Variants in CA8 observed in about 807,000 individuals in gnomAD.
CA8 encodes carbonic anhydrase 8 (inactive).
In CA8, 22 loss-of-function variants were observed where a neutral mutation model predicts 41.4. The observed-to-expected ratio is 0.53, with a 90% CI of 0.38 to 0.76. The LOEUF is 0.76. Ranked by LOEUF, CA8 falls within the 30% of genes least tolerant of loss-of-function variation. The pLI is 0.00. For missense variants in CA8, 270 were observed against 352.8 expected, an observed-to-expected ratio of 0.77 and a Z score of 1.88; for synonymous variants, 121 against 130.6, an observed-to-expected ratio of 0.93 and a Z score of 0.50.
chr8:60,230,090 A>C (rs771773341), intron 4 of CA8, among the ~76,000 whole-genome samples: 2 of 152,138 alleles, frequency 1.3e-5, no homozygotes, highest in African/African-American at 2.4e-5. Context: ...TTTGCTCTAT[A>C]AATAATTTTG....
At chr8:60,190,660 T>C (rs1806094003) in intron 8 of CA8, among the ~76,000 whole-genome samples, 3 of 150,124 alleles carry the variant, frequency 2.0e-5, no homozygotes, top group East Asian at 1.9e-4. Flanking sequence ...TATTAAAATT[T>C]AGAATGCATA....
intron 4 of CA8, among the ~76,000 whole-genome samples, chr8:60,229,438 C>A (rs959169441): frequency 6.6e-6 from 1 of 152,134 alleles, no homozygotes; most frequent in Non-Finnish European, 1.5e-5. Flanking sequence ...CCGAGGGGAC[C>A]ATCTTCTAAG....
chr8:60,281,066 C>G lies in CA8; in HGVS notation c.82G>C (p.Glu28Gln). The part of the protein sequence containing the change: ...EDEEEEEEGV[E>Q]WGYEEGVEWG... ...CACTTACCTTCCTCGTAGCCCCACT[C>G]CACACCCTCCTCTTCTTCCTCCTCA... The change falls in exon 1 of 9, where the codon GAG (glutamate) becomes CAG (glutamine). Residue 28 changes from glutamate (E) to glutamine (Q), a missense_variant. Transcript: ENST00000317995. 2 of 1,611,272 alleles carry G rather than the reference C, an allele frequency of 1.2e-6. No homozygotes were observed. Among genetic ancestry groups the G allele is most frequent in the Non-Finnish European group, 1.7e-6 (2 of 1,179,256 alleles).
At chr8:60,202,338 A>C (rs994755279) in intron 8 of CA8, among the ~76,000 whole-genome samples, 2 of 151,938 alleles carry the variant, frequency 1.3e-5, no homozygotes, top group African/African-American at 4.8e-5. Flanking sequence ...GGCATGAGCC[A>C]CCACGACTGG....
intron 2 of CA8, among the ~76,000 whole-genome samples, chr8:60,271,760 GC>G (rs1804080893): frequency 2.0e-5 from 3 of 152,266 alleles, no homozygotes; most frequent in African/African-American, 7.2e-5. Flanking sequence ...ACAAGTGTGG[GC>G]AGTCTCACAC....
intron 3 of CA8, among the ~76,000 whole-genome samples, chr8:60,235,616 T>C (rs753347250): frequency 2.0e-5 from 3 of 152,334 alleles, no homozygotes; most frequent in South Asian, 2.1e-4. Flanking sequence ...TTGTGCCTTA[T>C]ATTAATTAGT....
intron 2 of CA8, among the ~76,000 whole-genome samples, chr8:60,279,487 T>G (rs1804340445): frequency 6.6e-6 from 1 of 152,228 alleles, no homozygotes; most frequent in Admixed American, 6.5e-5. Flanking sequence ...CGACTGATAA[T>G]CTTCATAATT....
intron 3 of CA8, among the ~76,000 whole-genome samples, chr8:60,253,807 G>A (rs1585909015): frequency 1.3e-5 from 2 of 152,058 alleles, no homozygotes; most frequent in Admixed American, 6.6e-5. Context: ...AGTCATCAAG[G>A]CCCAGCTCCA....
chr8:60,274,474 A>C (rs1007924126), intron 2 of CA8, among the ~76,000 whole-genome samples: 8 of 152,230 alleles, frequency 5.3e-5, no homozygotes, highest in Non-Finnish European at 1.2e-4. Flanking sequence ...CCTACCGCAG[A>C]ACCCAGATGC....
At chr8:60,227,175 C>T (rs1807470467) in intron 4 of CA8, among the ~76,000 whole-genome samples, 2 of 152,010 alleles carry the variant, frequency 1.3e-5, no homozygotes, top group Non-Finnish European at 2.9e-5. Flanking sequence ...CCTGAAGTCC[C>T]AGCTACTCAG....
chr8:60,228,453 A>G (rs1320117348), intron 4 of CA8, among the ~76,000 whole-genome samples: 3 of 152,146 alleles, frequency 2.0e-5, no homozygotes, highest in East Asian at 3.9e-4. Flanking sequence ...CATCTCAGGC[A>G]TCTCCTGTTG....
intron 7 of CA8, 66 bp downstream of exon 7, chr8:60,222,583 T>C: frequency 9.7e-7 from 1 of 1,025,694 alleles, no homozygotes; most frequent in Non-Finnish European, 1.5e-6. Flanking sequence ...AACAGACATT[T>C]TCCTTTCTCA....
chr8:60,228,284 A>T (rs1486813687), intron 4 of CA8, among the ~76,000 whole-genome samples: 1 of 152,262 alleles, frequency 6.6e-6, no homozygotes, highest in African/African-American at 2.4e-5. Context: ...AAACAAAAAA[A>T]CATTTAAAAC....
chr8:60,205,442 A>C (rs1024700706), intron 8 of CA8, among the ~76,000 whole-genome samples: 3 of 152,206 alleles, frequency 2.0e-5, no homozygotes. Flanking sequence ...TGATACCAAA[A>C]GTAACAAGTA....
At chr8:60,251,578 G>A (rs1419698983) in intron 3 of CA8, among the ~76,000 whole-genome samples, 1 of 152,156 alleles carries the variant, frequency 6.6e-6, no homozygotes, top group Non-Finnish European at 1.5e-5. Flanking sequence ...CGCAGTTCAT[G>A]CATAACACTA....
chr8:60,209,837 A>C (rs1332404332), intron 7 of CA8, among the ~76,000 whole-genome samples: 2 of 152,136 alleles, frequency 1.3e-5, no homozygotes, highest in African/African-American at 4.8e-5. Context: ...CCCCACTGTA[A>C]GTGAAAAGGT....
chr8:60,279,743 A>G lies in CA8; in HGVS notation c.238T>C (p.Cys80Arg). ...GTATGTCCATCATTGGTGACTTCAC[A>G]GTCTCGGCACACCACATAATTTGGG... ...LSPNYVVCRD[C>R]EVTNDGHTIQ... Residue 80 changes from cysteine (C) to arginine (R), a missense_variant, in exon 2 of 9, where the codon TGT (cysteine) becomes CGT (arginine). Cys to Arg is a radical substitution (Grantham distance 180). This residue lies in a region of CA8 where 123 missense variants were observed against 136.8 expected (regional missense o/e 0.90). Transcript: ENST00000317995. 1 of 1,614,228 alleles carries G rather than the reference A, an allele frequency of 6.2e-7. No individual in the cohort carries two copies. Among genetic ancestry groups the G allele is most frequent in the Non-Finnish European group, 8.5e-7 (1 of 1,180,036 alleles).
At chr8:60,278,210 G>A (rs987699574) in intron 2 of CA8, among the ~76,000 whole-genome samples, 1 of 152,202 alleles carries the variant, frequency 6.6e-6, no homozygotes, top group African/African-American at 2.4e-5. Context: ...GGCACACACA[G>A]ATGCAGTGGA....
At chr8:60,256,205 C>A (rs1488009047) in intron 3 of CA8, among the ~76,000 whole-genome samples, 1 of 152,144 alleles carries the variant, frequency 6.6e-6, no homozygotes, top group Non-Finnish European at 1.5e-5. Flanking sequence ...CCGCCACACT[C>A]GGCCTAAACG....
Sources: allele counts gnomAD v4.1 joint callset (sites outside exome capture counted in the v4.1 genomes callset), GRCh38; gene constraint gnomAD v4.1.1; regional missense constraint gnomAD v4.1.1; transcripts MANE v1.5; gene names NCBI Gene and HGNC (gene_info 2026-07-23, HGNC 2026-07-21).